Variants in SRPK1 observed in about 807,000 individuals in gnomAD.
SRPK1 encodes the protein SRSF protein kinase 1, also known as SFRS protein kinase 1.
A neutral mutation model predicts 89.5 loss-of-function variants in SRPK1; 52 were observed. That is an observed-to-expected ratio of 0.58 (90% CI 0.46 to 0.73). The LOEUF (loss-of-function observed/expected upper bound fraction) is 0.73, where lower values mean the gene tolerates loss of function less well. SRPK1 is among the 30% of genes least tolerant of loss of function. The pLI, the probability that SRPK1 is intolerant of heterozygous loss-of-function variation, is 0.00. For synonymous variants in SRPK1, 255 were observed against 270.2 expected (o/e 0.94, Z 0.55); for missense variants, 603 against 780.6 (o/e 0.77, Z 2.71).
intron 12 of SRPK1, among the ~76,000 whole-genome samples, chr6:35,865,261 C>A (rs1298299607): frequency 6.6e-6 from 1 of 152,018 alleles, no homozygotes; most frequent in Non-Finnish European, 1.5e-5. Context: ...GTGATTATTT[C>A]ACATTGCATG....
At chr6:35,896,799 C>A (rs1770634776) in intron 2 of SRPK1, among the ~76,000 whole-genome samples, 1 of 152,162 alleles carries the variant, frequency 6.6e-6, no homozygotes, top group Admixed American at 6.5e-5. Context: ...CAACATTATT[C>A]ATAATAACCA....
At chr6:35,896,203 A>G (rs1249751442) in intron 2 of SRPK1, among the ~76,000 whole-genome samples, 1 of 151,880 alleles carries the variant, frequency 6.6e-6, no homozygotes, top group Non-Finnish European at 1.5e-5. Flanking sequence ...TGAGGAGTGA[A>G]CCCTCAATCC....
At chr6:35,836,245 C>T (rs1389966594) in intron 15 of SRPK1, among the ~76,000 whole-genome samples, 1 of 152,032 alleles carries the variant, frequency 6.6e-6, no homozygotes, top group Non-Finnish European at 1.5e-5. Flanking sequence ...AACCTAATGC[C>T]TGACAATCTG....
intron 12 of SRPK1, among the ~76,000 whole-genome samples, chr6:35,863,444 C>A (rs1466084678): frequency 7.0e-6 from 1 of 142,858 alleles, no homozygotes; most frequent in East Asian, 2.0e-4. Context: ...GCAACAGAGA[C>A]CCTGTTTCTT....
chr6:35,875,404 T>C (rs1469015917), intron 6 of SRPK1, among the ~76,000 whole-genome samples: 1 of 152,096 alleles, frequency 6.6e-6, no homozygotes. Context: ...TTAGTACAGA[T>C]GGGGTTTCAC....
Position 35,870,305 on chromosome 6 carries a change from T to C in SRPK1, c.967A>G (p.Asn323Asp). The C allele has an allele frequency of 1.2e-6, 2 of 1,612,724 alleles. No homozygotes were observed. Among genetic ancestry groups the C allele is most frequent in the South Asian group, 2.2e-5 (2 of 90,634 alleles). Residue 323 changes from asparagine to aspartate, a missense_variant, in exon 10 of 16, where the codon AAT (asparagine) becomes GAT (aspartate). By Grantham distance (23) the Asn-to-Asp change is conservative (BLOSUM62 1). Transcript: ENST00000373825. Reference protein sequence around the residue: ...VERPLKENPPNKMTQEKLEES... With the variant: ...VERPLKENPPDKMTQEKLEES... ...CCAAGTTTTTCTTGGGTCATTTTAT[T>C]AGGTGGGTTCTCTTTCAAGGGTCTT... is the stretch of plus-strand genomic sequence containing the variant.
chr6:35,897,016 T>C (rs770548659), intron 2 of SRPK1, among the ~76,000 whole-genome samples: 2 of 152,196 alleles, frequency 1.3e-5, no homozygotes, highest in Non-Finnish European at 2.9e-5. Context: ...GGCAAATCCA[T>C]TGAGACAGAA....
At chr6:35,912,241 C>T (rs1770985906) in intron 2 of SRPK1, among the ~76,000 whole-genome samples, 1 of 152,096 alleles carries the variant, frequency 6.6e-6, no homozygotes, top group Non-Finnish European at 1.5e-5. Flanking sequence ...ATCCTAGCTA[C>T]TTGGGAGACT....
chr6:35,890,983 G>C lies in SRPK1; in HGVS notation c.105C>G (p.Pro35=), dbSNP rs1770506841. 3 of 1,552,926 alleles carry C rather than the reference G, an allele frequency of 1.9e-6. No homozygotes were observed. The highest frequency in any genetic ancestry group is 2.6e-6 in the Non-Finnish European group (3 of 1,147,384). The change falls in exon 3 of 16, where the codon CCC becomes CCG. Residue 35 remains proline, a synonymous_variant. Coordinates refer to ENST00000373825, the MANE Select transcript of SRPK1 (RefSeq NM_003137.5). ...GCTCTGGTAGATCACTCTCAGAGTG[G>C]GGAGCAGAGCCTCGGTGCTGAGTTT... is the stretch of plus-strand genomic sequence containing the variant. ...KSETQHRGSA[P]HSESDLPEQE...
chr6:35,875,219 C>A lies in SRPK1; in HGVS notation c.479-880G>T, dbSNP rs114946110. Among the ~76,000 whole-genome samples, 1,333 of 151,128 alleles carry A rather than the reference C, an allele frequency of 8.8e-3. 14 individuals carry two copies. The highest frequency in any genetic ancestry group is 0.028 in the Middle Eastern group (8 of 288). Reference sequence around the variant, plus strand: ...CCTGTCAGGAAGAAACAGGAACCATCTTGAAAAGGATGTCACCAGCCAACA... The same window carrying A: ...CCTGTCAGGAAGAAACAGGAACCATATTGAAAAGGATGTCACCAGCCAACA... On this transcript the variant is annotated intron_variant, in intron 6 of 15. Transcript: ENST00000373825.
intron 12 of SRPK1, among the ~76,000 whole-genome samples, chr6:35,864,856 T>TA (rs939233967): frequency 1.3e-5 from 2 of 152,110 alleles, no homozygotes; most frequent in African/African-American, 4.8e-5. Context: ...TATTCAGCCA[T>TA]AAAAAAGAAT....
At chr6:35,854,178 T>G (rs1036085117) in intron 13 of SRPK1, among the ~76,000 whole-genome samples, 35 of 152,136 alleles carry the variant, frequency 2.3e-4, no homozygotes, top group African/African-American at 8.4e-4. Context: ...CTCGAACTCC[T>G]GGCCTCAAGT....
intron 2 of SRPK1, among the ~76,000 whole-genome samples, chr6:35,912,268 A>T (rs1770986657): frequency 6.6e-6 from 1 of 152,124 alleles, no homozygotes. Context: ...GGAGGAACGC[A>T]TGCACCCAGG....
At chr6:35,889,584 G>C (rs2127257630) in intron 3 of SRPK1, among the ~76,000 whole-genome samples, 1 of 151,844 alleles carries the variant, frequency 6.6e-6, no homozygotes, top group Middle Eastern at 3.4e-3. Flanking sequence ...AGGAGTTTGA[G>C]AACCAGACTG....
At chr6:35,856,199 ACT>A (rs911859784) in intron 13 of SRPK1, among the ~76,000 whole-genome samples, 1 of 151,932 alleles carries the variant, frequency 6.6e-6, no homozygotes, top group African/African-American at 2.4e-5. Context: ...TCTCAATAAA[ACT>A]CTGAATACTT....
intron 2 of SRPK1, among the ~76,000 whole-genome samples, chr6:35,907,338 C>T (rs1345580694): frequency 1.3e-5 from 2 of 152,002 alleles, no homozygotes; most frequent in African/African-American, 2.4e-5. Flanking sequence ...ATTATACTAC[C>T]GTAGCTATGC....
chr6:35,874,781 G>C (rs1770118060), intron 6 of SRPK1, among the ~76,000 whole-genome samples: 1 of 152,170 alleles, frequency 6.6e-6, no homozygotes, highest in Non-Finnish European at 1.5e-5. Flanking sequence ...CTTAACTATA[G>C]AAGAGATGAA....
intron 13 of SRPK1, among the ~76,000 whole-genome samples, chr6:35,847,979 TAATTTTTA>T (rs1769461237): frequency 6.6e-6 from 1 of 152,044 alleles, no homozygotes; most frequent in Non-Finnish European, 1.5e-5. Flanking sequence ...CACACTTGGC[TAATTTTTA>T]AATTATTTGT....
At chr6:35,870,890 T>TA in intron 9 of SRPK1, 44 bp downstream of exon 9, 1 of 1,518,700 alleles carries the variant, frequency 6.6e-7, no homozygotes, top group Non-Finnish European at 9.0e-7. Context: ...CCCATGCCCA[T>TA]AGTCCATAGA....
Sources: allele counts gnomAD v4.1 joint callset (sites outside exome capture counted in the v4.1 genomes callset), GRCh38; gene constraint gnomAD v4.1.1; transcripts MANE v1.5; gene names NCBI Gene and HGNC (gene_info 2026-07-23, HGNC 2026-07-21).